GPC6: variants seen among roughly 807,000 people sequenced by gnomAD.
The protein encoded by GPC6 is glypican 6.
In GPC6, 14 loss-of-function variants were observed where a neutral mutation model predicts 55.2. The observed-to-expected ratio is 0.25, with a 90% CI of 0.17 to 0.40. The LOEUF is 0.40. GPC6 is among the 10% of genes least tolerant of loss of function. GPC6 has a pLI of 1.00. For synonymous variants in GPC6, 278 were observed against 259.6 expected (o/e 1.07, Z -0.68); for missense variants, 641 against 708.5 (o/e 0.90, Z 1.08).
chr13:93,573,412 G>C (rs1189294483), intron 2 of GPC6, among the ~76,000 whole-genome samples: 1 of 151,980 alleles, frequency 6.6e-6, no homozygotes, highest in Admixed American at 6.6e-5. Flanking sequence ...TTTGTAGACT[G>C]TATGGTGGCT....
intron 2 of GPC6, among the ~76,000 whole-genome samples, chr13:93,679,886 TTATAATTATAATAGGC>T (rs1173000341): frequency 6.6e-6 from 1 of 151,788 alleles, no homozygotes; most frequent in Non-Finnish European, 1.5e-5. Context: ...ACACATATTA[TTATAATTATAATAGGC>T]TAAAATGGGA....
At chr13:93,385,106 A>G (rs1278228266) in intron 1 of GPC6, among the ~76,000 whole-genome samples, 1 of 152,244 alleles carries the variant, frequency 6.6e-6, no homozygotes, top group Non-Finnish European at 1.5e-5. Context: ...ATAGATAAAA[A>G]TGTTACTGGG....
chr13:93,425,344 A>T lies in GPC6; in HGVS notation c.161-119919A>T, dbSNP rs111378944. Among the ~76,000 whole-genome samples the T allele has an allele frequency of 3.1e-4, 47 of 152,296 alleles. 1 individual carries two copies. The highest frequency in any genetic ancestry group is 1.1e-3 in the African/African-American group (47 of 41,570). ...TCCAAAAGCACCTCAAATGAAATCT[A>T]TGTAAATACTTCCTATCAATTCTAA... On this transcript the variant is annotated intron_variant, in intron 1 of 8. Coordinates refer to ENST00000377047, the MANE Select transcript of GPC6 (RefSeq NM_005708.5).
chr13:93,263,395 G>A (rs901814684), intron 1 of GPC6, among the ~76,000 whole-genome samples: 4 of 151,384 alleles, frequency 2.6e-5, no homozygotes, highest in Non-Finnish European at 5.9e-5. Context: ...ATGGAATTTC[G>A]CTCTTGTCAC....
chr13:94,227,086 C>A (rs1890582281), intron 4 of GPC6, among the ~76,000 whole-genome samples: 1 of 152,172 alleles, frequency 6.6e-6, no homozygotes, highest in Non-Finnish European at 1.5e-5. Flanking sequence ...AGAGGAGATA[C>A]TAACAACTCA....
chr13:93,261,032 A>C (rs1439133503), intron 1 of GPC6, among the ~76,000 whole-genome samples: 1 of 152,078 alleles, frequency 6.6e-6, no homozygotes, highest in Non-Finnish European at 1.5e-5. Context: ...TCCTTCACTA[A>C]TACCAGATAA....
intron 4 of GPC6, among the ~76,000 whole-genome samples, chr13:94,048,450 A>G (rs1003105871): frequency 6.6e-6 from 1 of 151,962 alleles, no homozygotes; most frequent in Admixed American, 6.6e-5. Flanking sequence ...AAAAAAAATT[A>G]AAAAAAGAGA....
At chr13:93,658,740 T>G (rs898409345) in intron 2 of GPC6, among the ~76,000 whole-genome samples, 6 of 151,750 alleles carry the variant, frequency 4.0e-5, no homozygotes, top group African/African-American at 1.4e-4. Flanking sequence ...TTATAGCATA[T>G]TATAAAACAT....
chr13:93,855,202 C>G (rs1888557368), intron 3 of GPC6, among the ~76,000 whole-genome samples: 1 of 151,658 alleles, frequency 6.6e-6, no homozygotes, highest in African/African-American at 2.4e-5. Context: ...CTTACTAATC[C>G]CTGGCAATAA....
At chr13:94,007,585 A>G (rs1397059394) in intron 3 of GPC6, among the ~76,000 whole-genome samples, 2 of 152,168 alleles carry the variant, frequency 1.3e-5, no homozygotes, top group African/African-American at 4.8e-5. Context: ...TAAAGTGAAC[A>G]TTATGTGTTG....
chr13:94,083,293 T>C (rs1180516900), intron 4 of GPC6, among the ~76,000 whole-genome samples: 1 of 152,100 alleles, frequency 6.6e-6, no homozygotes, highest in African/African-American at 2.4e-5. Flanking sequence ...TAATTTTTTG[T>C]ATTTTAAATA....
intron 4 of GPC6, among the ~76,000 whole-genome samples, chr13:94,091,344 AC>A: frequency 1.4e-4 from 1 of 7,368 alleles, no homozygotes; most frequent in Non-Finnish European, 5.1e-4. Flanking sequence ...TTTAACTGAA[AC>A]AAACAAAGAA....
chr13:93,906,229 T>A (rs1876659771), intron 3 of GPC6, among the ~76,000 whole-genome samples: 1 of 152,136 alleles, frequency 6.6e-6, no homozygotes, highest in Non-Finnish European at 1.5e-5. Flanking sequence ...CTTCATCAAT[T>A]ACTCAGTTCA....
At chr13:94,053,040 G>A (rs1884008493) in intron 4 of GPC6, among the ~76,000 whole-genome samples, 1 of 152,124 alleles carries the variant, frequency 6.6e-6, no homozygotes, top group Non-Finnish European at 1.5e-5. Context: ...AAATATGCAT[G>A]TCAGAAAGGG....
At chr13:94,237,793 G>A (rs969056900) in intron 4 of GPC6, among the ~76,000 whole-genome samples, 1 of 152,138 alleles carries the variant, frequency 6.6e-6, no homozygotes, top group African/African-American at 2.4e-5. Context: ...GGTTATAATG[G>A]GAAGCCATTG....
At chr13:93,433,262 T>TCAGG (rs1877438418) in intron 1 of GPC6, among the ~76,000 whole-genome samples, 1 of 152,142 alleles carries the variant, frequency 6.6e-6, no homozygotes, top group Non-Finnish European at 1.5e-5. Flanking sequence ...TAGGAAATAT[T>TCAGG]GGTATGAATT....
the GPC6 span, among the ~76,000 whole-genome samples, chr13:93,220,693 G>GC: frequency 6.6e-6 from 1 of 152,118 alleles, no homozygotes; most frequent in Non-Finnish European, 1.5e-5. Context: ...ATGATGCTTA[G>GC]CCAGTAGTAC....
chr13:93,487,052 C>T (rs925676337), intron 1 of GPC6, among the ~76,000 whole-genome samples: 1 of 152,076 alleles, frequency 6.6e-6, no homozygotes, highest in Non-Finnish European at 1.5e-5. Context: ...TATACACACA[C>T]TTACAGCAGG....
Position 93,564,471 on chromosome 13 carries a change from T to C in GPC6, c.319+19050T>C, listed in dbSNP as rs181891881. On this transcript the variant is annotated intron_variant, in intron 2 of 8. Coordinates refer to ENST00000377047, the MANE Select transcript of GPC6 (RefSeq NM_005708.5). ...ATGAATTGAATTACCTATTAAAATA[T>C]TTTAAAGAAGAACAATGCAGCAATG... Among the ~76,000 whole-genome samples the C allele has an allele frequency of 2.6e-5, 4 of 152,268 alleles. No homozygotes were observed. The East Asian group carries it at 7.7e-4, about 29-fold the overall frequency.
Sources: allele counts gnomAD v4.1 joint callset (sites outside exome capture counted in the v4.1 genomes callset), GRCh38; gene constraint gnomAD v4.1.1; transcripts MANE v1.5; gene names NCBI Gene and HGNC (gene_info 2026-07-23, HGNC 2026-07-21).